The following RNF182 variants were observed in gnomAD, a reference collection of about 807,000 sequenced individuals.
The protein encoded by RNF182 is ring finger protein 182.
Under a neutral mutation model 14.4 loss-of-function variants are expected in RNF182, and 15 were observed. The observed-to-expected ratio is 1.04, with a 90% confidence interval of 0.70 to 1.60. RNF182 has a LOEUF of 1.60. Among genes scored for constraint, RNF182 ranks in the 40% most tolerant of loss-of-function variants. The pLI, the probability that RNF182 is intolerant of heterozygous loss-of-function variation, is 0.00. For synonymous variants in RNF182, 128 were observed against 122.9 expected, an observed-to-expected ratio of 1.04 and a Z score of -0.27; for missense variants, 268 against 294.8, an observed-to-expected ratio of 0.91 and a Z score of 0.67.
At chr6:13,959,483 A>G (rs1459218148) in intron 1 of RNF182, among the ~76,000 whole-genome samples, 1 of 152,246 alleles carries the variant, frequency 6.6e-6, no homozygotes, top group Non-Finnish European at 1.5e-5. Flanking sequence ...GGTTATTGCA[A>G]TGAAAATAAT....
At chr6:13,952,269 C>T (rs1273739183) in intron 1 of RNF182, among the ~76,000 whole-genome samples, 2 of 152,140 alleles carry the variant, frequency 1.3e-5, no homozygotes, top group Admixed American at 6.5e-5. Context: ...TCCAGCAGGC[C>T]GTCAGCTCTC....
chr6:13,980,295 C>T lies in RNF182; in HGVS notation c.*2432C>T, dbSNP rs985228578. Reference sequence around the variant, plus strand: ...ATTAGGGGAGATGAAATAAAAATATCGTCTTTATAAATAAATTCTTCGGTT... The same window carrying T: ...ATTAGGGGAGATGAAATAAAAATATTGTCTTTATAAATAAATTCTTCGGTT... On this transcript the variant is annotated 3_prime_UTR_variant, in exon 3 of 3. Coordinates refer to ENST00000488300, the MANE Select transcript of RNF182 (RefSeq NM_152737.4). 5 of 150,322 alleles carry T rather than the reference C, an allele frequency of 3.3e-5. No individual in the cohort carries two copies. Among genetic ancestry groups the T allele is most frequent in the Non-Finnish European group, 7.4e-5 (5 of 67,652 alleles). 9.3% of individuals were successfully genotyped at this position (150,322 alleles called of 1,614,324 possible). A position where few individuals can be genotyped will look rare whatever the true frequency, so the allele number is the denominator to read the frequency against.
chr6:13,968,833 T>C (rs1259531194), intron 1 of RNF182, among the ~76,000 whole-genome samples: 1 of 152,226 alleles, frequency 6.6e-6, no homozygotes, highest in East Asian at 1.9e-4. Context: ...AATGAAATCT[T>C]AGAGAATGCC....
intron 1 of RNF182, among the ~76,000 whole-genome samples, chr6:13,965,822 ATC>A (rs1420106120): frequency 1.3e-5 from 2 of 152,208 alleles, no homozygotes; most frequent in Admixed American, 1.3e-4. Context: ...TCTCAAATCC[ATC>A]TCTCTGACAG....
At chr6:13,965,889 CAG>C (rs765218690) in intron 1 of RNF182, among the ~76,000 whole-genome samples, 38 of 152,154 alleles carry the variant, frequency 2.5e-4, no homozygotes, top group Admixed American at 5.2e-4. Flanking sequence ...TATAAGAAAA[CAG>C]GAACTAGAGA....
At position 13,979,365 on chromosome 6, in the gene RNF182, G is replaced by A. The variant is rs1760434419; in HGVS notation, c.*1502G>A. The A allele has an allele frequency of 6.0e-6, 1 of 166,914 alleles. No individual in the cohort carries two copies. The highest frequency in any genetic ancestry group is 1.5e-5 in the Non-Finnish European group (1 of 68,104). The allele number at this position is 166,914 out of a possible 1,614,324, so 10.3% of individuals were successfully genotyped here. ...AAATATTTGTAACTCTTAGAAAGGG[G>A]GCATTACTAAGACGACTTTAACTTG... On this transcript the variant is annotated 3_prime_UTR_variant, in exon 3 of 3. Coordinates refer to ENST00000488300, the MANE Select transcript of RNF182 (RefSeq NM_152737.4).
intron 1 of RNF182, among the ~76,000 whole-genome samples, chr6:13,964,593 G>A (rs973470156): frequency 6.6e-6 from 1 of 152,158 alleles, no homozygotes; most frequent in African/African-American, 2.4e-5. Flanking sequence ...ACCCCTGAGT[G>A]CAAGTGAAAC....
intron 1 of RNF182, among the ~76,000 whole-genome samples, chr6:13,951,565 T>C (rs1290461565): frequency 6.6e-6 from 1 of 152,196 alleles, no homozygotes; most frequent in Non-Finnish European, 1.5e-5. Flanking sequence ...TACCTAGTTA[T>C]TACACACCAA....
intron 1 of RNF182, among the ~76,000 whole-genome samples, chr6:13,955,679 C>G (rs76123299): frequency 6.6e-6 from 1 of 152,324 alleles, no homozygotes; most frequent in Non-Finnish European, 1.5e-5. Flanking sequence ...GTTTCCATGT[C>G]TCAGTTGTAC....
At chr6:13,944,500 A>G (rs1303521718) in intron 1 of RNF182, among the ~76,000 whole-genome samples, 1 of 152,194 alleles carries the variant, frequency 6.6e-6, no homozygotes, top group Non-Finnish European at 1.5e-5. Flanking sequence ...GAGGACTCAG[A>G]GGAGCCTGAC....
At chr6:13,924,789 C>T (rs1028966479), upstream of RNF182, 5 of 151,620 alleles carry the variant, frequency 3.3e-5, no homozygotes, top group African/African-American at 1.2e-4. Context: ...GGTGGCGGCC[C>T]ATCGGGGGTC....
chr6:13,941,617 TTCTTGCCTTTAAAAAA>T (rs1356213793), intron 1 of RNF182, among the ~76,000 whole-genome samples: 2 of 152,104 alleles, frequency 1.3e-5, no homozygotes, highest in Non-Finnish European at 2.9e-5. Context: ...CTTTTTTTCT[TTCTTGCCTTTAAAAAA>T]ATTAATAAAG....
intron 1 of RNF182, among the ~76,000 whole-genome samples, chr6:13,952,953 T>G (rs1264026315): frequency 1.3e-5 from 2 of 152,242 alleles, no homozygotes; most frequent in Non-Finnish European, 2.9e-5. Context: ...TTTGTGTAAC[T>G]ACTTTCACAG....
At chr6:13,927,003 C>CT (rs1453375017) in intron 1 of RNF182, among the ~76,000 whole-genome samples, 1 of 152,132 alleles carries the variant, frequency 6.6e-6, no homozygotes, top group East Asian at 1.9e-4. Flanking sequence ...AGGACCGGTG[C>CT]TTTGCCTTTG....
At chr6:13,949,019 C>A in intron 1 of RNF182, 1 of 558,810 alleles carries the variant, frequency 1.8e-6, no homozygotes, top group Non-Finnish European at 3.2e-6. Flanking sequence ...AATCTACTCA[C>A]TCCTAATCAG....
chr6:13,930,461 C>A (rs1758940008), intron 1 of RNF182, among the ~76,000 whole-genome samples: 1 of 152,188 alleles, frequency 6.6e-6, no homozygotes, highest in African/African-American at 2.4e-5. Flanking sequence ...TCAACCTGGG[C>A]TCACCTGCTC....
At chr6:13,939,273 T>C (rs1759223466) in intron 1 of RNF182, among the ~76,000 whole-genome samples, 1 of 152,168 alleles carries the variant, frequency 6.6e-6, no homozygotes, top group Non-Finnish European at 1.5e-5. Flanking sequence ...GGAATTGCAT[T>C]GACTGTGTAG....
chr6:13,949,574 A>T (rs1166684347), intron 1 of RNF182: 1 of 446,348 alleles, frequency 2.2e-6, no homozygotes, highest in African/African-American at 2.0e-5. Context: ...ACTCTTAGAT[A>T]AAATGATGAT....
upstream of RNF182, chr6:13,924,722 C>G (rs2113565920): frequency 6.6e-6 from 1 of 152,080 alleles, no homozygotes; most frequent in African/African-American, 2.4e-5. Context: ...CTTCCCCTCT[C>G]GCTGGGGAGA....
Sources: allele counts gnomAD v4.1 joint callset (sites outside exome capture counted in the v4.1 genomes callset), GRCh38; gene constraint gnomAD v4.1.1; transcripts MANE v1.5; gene names NCBI Gene and HGNC (gene_info 2026-07-23, HGNC 2026-07-21).